Variants in PIK3C2G observed in about 807,000 individuals in gnomAD.
PIK3C2G encodes phosphatidylinositol-4-phosphate 3-kinase catalytic subunit type 2 gamma.
A neutral mutation model predicts 181.1 loss-of-function variants in PIK3C2G; 168 were observed. The ratio of observed to expected loss-of-function variants is 0.93; its 90% CI spans 0.82 to 1.05. PIK3C2G has a LOEUF of 1.05. Among genes scored for constraint, PIK3C2G ranks in the 50% least tolerant of loss-of-function variants. PIK3C2G has a pLI of 0.00. For missense variants in PIK3C2G, 1,869 were observed against 1,732.8 expected, an observed-to-expected ratio of 1.08 and a Z score of -1.40; for synonymous variants, 573 against 592.2, an observed-to-expected ratio of 0.97 and a Z score of 0.47.
At chr12:18,583,868 G>C (rs991384208) in intron 29 of PIK3C2G, among the ~76,000 whole-genome samples, 1 of 152,180 alleles carries the variant, frequency 6.6e-6, no homozygotes. Context: ...TAACTAGGCT[G>C]AGTTGGCTGG....
chr12:18,724,909 G>A, the PIK3C2G span, among the ~76,000 whole-genome samples: 1 of 152,162 alleles, frequency 6.6e-6, no homozygotes, highest in Admixed American at 6.5e-5. Flanking sequence ...ATTATTCACT[G>A]AATAATGACA....
the PIK3C2G span, among the ~76,000 whole-genome samples, chr12:18,714,286 T>A: frequency 6.6e-6 from 1 of 152,202 alleles, no homozygotes; most frequent in African/African-American, 2.4e-5. Flanking sequence ...TGGCCTGACA[T>A]GGAGCTAATA....
chr12:18,395,097 TTC>T (rs1407225390), intron 15 of PIK3C2G, among the ~76,000 whole-genome samples: 1 of 150,952 alleles, frequency 6.6e-6, no homozygotes, highest in Non-Finnish European at 1.5e-5. Flanking sequence ...CTTTCTTTCT[TTC>T]TTTCATTCTT....
chr12:18,497,596 G>T (rs371034780), intron 21 of PIK3C2G, 23 bp from the exon 22 acceptor site: 98 of 1,597,976 alleles, frequency 6.1e-5, no homozygotes, highest in Non-Finnish European at 7.9e-5. Context: ...AAAACCCAGG[G>T]TCTATAATTT....
At chr12:18,344,329 A>G (rs754641612) in intron 10 of PIK3C2G, among the ~76,000 whole-genome samples, 1 of 152,062 alleles carries the variant, frequency 6.6e-6, no homozygotes, top group Non-Finnish European at 1.5e-5. Flanking sequence ...CCACCACTCA[A>G]AAGAAGACAC....
At chr12:18,654,621 G>A in the PIK3C2G span, among the ~76,000 whole-genome samples, 8 of 152,156 alleles carry the variant, frequency 5.3e-5, no homozygotes, top group Non-Finnish European at 1.2e-4. Flanking sequence ...TTGTGGAACT[G>A]TTATTCCAGG....
intron 31 of PIK3C2G, among the ~76,000 whole-genome samples, chr12:18,611,710 A>T (rs1948350166): frequency 1.3e-5 from 2 of 151,990 alleles, no homozygotes; most frequent in Non-Finnish European, 1.5e-5. Flanking sequence ...CAGGTTAAAA[A>T]CCTAGAGTCA....
At chr12:18,581,850 G>C (rs1285482903) in intron 29 of PIK3C2G, among the ~76,000 whole-genome samples, 1 of 152,142 alleles carries the variant, frequency 6.6e-6, no homozygotes, top group East Asian at 1.9e-4. Flanking sequence ...GCAGTCTGAG[G>C]ACTAGACTGT....
At chr12:18,533,667 C>T (rs575159210) in intron 24 of PIK3C2G, among the ~76,000 whole-genome samples, 1 of 152,144 alleles carries the variant, frequency 6.6e-6, no homozygotes, top group African/African-American at 2.4e-5. Flanking sequence ...TAAAATCTTT[C>T]ACCTCACAAG....
chr12:18,303,587 C>CA (rs1435826683), intron 5 of PIK3C2G, among the ~76,000 whole-genome samples: 12 of 152,226 alleles, frequency 7.9e-5, no homozygotes, highest in African/African-American at 2.9e-4. Flanking sequence ...CTTGGCCTCT[C>CA]AAAGTGCTGG....
intron 18 of PIK3C2G, among the ~76,000 whole-genome samples, chr12:18,456,003 A>C (rs1947605981): frequency 6.6e-6 from 1 of 152,108 alleles, no homozygotes; most frequent in Non-Finnish European, 1.5e-5. Context: ...GAGTTCCCAG[A>C]AGTTATTCAG....
At chr12:18,478,989 A>ATG (rs1427400029) in intron 18 of PIK3C2G, among the ~76,000 whole-genome samples, 1 of 145,162 alleles carries the variant, frequency 6.9e-6, no homozygotes, top group African/African-American at 2.6e-5. Flanking sequence ...AAAAAAAAAT[A>ATG]TATATATATA....
intron 8 of PIK3C2G, among the ~76,000 whole-genome samples, chr12:18,327,543 C>G (rs1363191617): frequency 6.6e-6 from 1 of 151,904 alleles, no homozygotes; most frequent in East Asian, 1.9e-4. Flanking sequence ...CAATTTTAGG[C>G]CAGGCATTCT....
intron 18 of PIK3C2G, among the ~76,000 whole-genome samples, chr12:18,465,915 C>T (rs952160623): frequency 5.6e-4 from 85 of 151,528 alleles, no homozygotes; most frequent in African/African-American, 1.9e-3. Flanking sequence ...TAGATCTACT[C>T]GCTCTATTTT....
chr12:18,269,907 C>CT (rs1948672191), intron 1 of PIK3C2G, among the ~76,000 whole-genome samples: 3 of 118,408 alleles, frequency 2.5e-5, no homozygotes, highest in Non-Finnish European at 3.9e-5. Flanking sequence ...CTTTTTTTTT[C>CT]TTTTCTTTTT....
Position 18,469,265 on chromosome 12 carries a change from G to A in PIK3C2G, c.2505-19184G>A, listed in dbSNP as rs75534832. Among the ~76,000 whole-genome samples, 1,072 of 152,162 alleles carry A rather than the reference G, an allele frequency of 7.0e-3. 6 individuals carry two copies. The highest frequency in any genetic ancestry group is 0.019 in the African/African-American group (787 of 41,538). On this transcript the variant is annotated intron_variant, in intron 18 of 32. Transcript: ENST00000538779. Reference sequence around the variant, plus strand: ...GCCTGAGAGACCCATTTCTGAAAAGGAGGCTTTTACCTACAAAGCAGTTTA... The same window carrying A: ...GCCTGAGAGACCCATTTCTGAAAAGAAGGCTTTTACCTACAAAGCAGTTTA...
chr12:18,496,034 CT>C, intron 20 of PIK3C2G, 27 bp from the exon 21 acceptor site: 1 of 1,238,772 alleles, frequency 8.1e-7, no homozygotes. Flanking sequence ...ATTTTGCTCA[CT>C]AGTTTTCCCT....
intron 24 of PIK3C2G, among the ~76,000 whole-genome samples, chr12:18,532,909 C>G (rs1943637576): frequency 6.7e-6 from 1 of 149,904 alleles, no homozygotes; most frequent in South Asian, 2.1e-4. Flanking sequence ...TTTCAGCTGC[C>G]CCTTTAAAGC....
At chr12:18,286,445 A>G (rs1949447739) in intron 2 of PIK3C2G, among the ~76,000 whole-genome samples, 1 of 152,128 alleles carries the variant, frequency 6.6e-6, no homozygotes, top group Non-Finnish European at 1.5e-5. Context: ...GATATGTGTG[A>G]TAGCAGAAAT....
Sources: gnomAD v4.1 joint callset for allele counts (sites outside exome capture counted in the v4.1 genomes callset) on GRCh38, gnomAD v4.1.1 for gene constraint, MANE v1.5 for transcripts, NCBI Gene and HGNC (gene_info 2026-07-23, HGNC 2026-07-21) for gene names.